Variants in MKLN1 observed in about 807,000 individuals in gnomAD.
MKLN1 encodes the protein muskelin.
Under a neutral mutation model 99.0 loss-of-function variants are expected in MKLN1, and 18 were observed. The ratio of observed to expected loss-of-function variants is 0.18; its 90% CI spans 0.13 to 0.27. MKLN1 has a LOEUF of 0.27. Among genes scored for constraint, MKLN1 ranks in the 10% least tolerant of loss-of-function variants. MKLN1 has a pLI of 1.00. For synonymous variants in MKLN1, 288 were observed against 293.2 expected (o/e 0.98, Z 0.18); for missense variants, 621 against 875.9 (o/e 0.71, Z 3.67).
intron 2 of MKLN1, among the ~76,000 whole-genome samples, chr7:131,169,984 G>A (rs1001623091): frequency 8.5e-5 from 13 of 152,118 alleles, no homozygotes; most frequent in African/African-American, 2.9e-4. Flanking sequence ...TAACTACTTG[G>A]GAGACTGAGG....
Position 131,494,519 on chromosome 7 carries a change from TAGG to T in MKLN1, c.*6794_*6796del, listed in dbSNP as rs1326661470. 1 of 152,130 alleles carries T rather than the reference TAGG, an allele frequency of 6.6e-6. No individual in the cohort carries two copies. Among genetic ancestry groups the T allele is most frequent in the Non-Finnish European group, 1.5e-5 (1 of 68,036 alleles). 9.4% of individuals were successfully genotyped at this position (152,130 alleles called of 1,614,324 possible). On this transcript the variant is annotated 3_prime_UTR_variant, in exon 18 of 18. Transcript: ENST00000352689. The stretch of plus-strand genomic sequence containing the variant: ...AGATATCAAAGTCCAAAAGGTTACT[TAGG>T]AGTAGTCTTCCGTGGGGGAAGATAA...
chr7:131,124,667 A>G (rs1795426445), intron 1 of MKLN1, among the ~76,000 whole-genome samples: 1 of 151,974 alleles, frequency 6.6e-6, no homozygotes, highest in African/African-American at 2.4e-5. Context: ...CTTGCCCTCA[A>G]CACCTCAGTC....
intron 15 of MKLN1, among the ~76,000 whole-genome samples, chr7:131,470,524 C>T (rs550780533): frequency 3.3e-5 from 5 of 152,202 alleles, no homozygotes; most frequent in Non-Finnish European, 5.9e-5. Context: ...TTATAAAATA[C>T]GTAGTATATT....
In MKLN1 at chr7:131,437,919, C is replaced by T. The variant is rs1167229690; in HGVS notation, c.1095C>T (p.Asp365=). Residue 365 remains aspartate (D), a synonymous_variant, in exon 10 of 18, where the codon GAC becomes GAT. Coordinates refer to ENST00000352689, the MANE Select transcript of MKLN1 (RefSeq NM_013255.5). ...TGAAAAGTGACTTCTATCGTTATGA[C>T]ATTGATACAAACACATGGATGTTAC... ...KSLKSDFYRY[D]IDTNTWMLLS... is the part of the protein sequence containing the mutation. The T allele has an allele frequency of 6.2e-7, 1 of 1,613,858 alleles. No homozygotes were observed. Among genetic ancestry groups the T allele is most frequent in the South Asian group, 1.1e-5 (1 of 91,070 alleles).
At chr7:131,399,190 G>C (rs759489046) in intron 5 of MKLN1, 51 bp from the exon 6 acceptor site, 3 of 1,474,824 alleles carry the variant, frequency 2.0e-6, no homozygotes, top group South Asian at 1.1e-5. Flanking sequence ...GTTTCCTACA[G>C]TATCATCTAA....
chr7:131,164,750 A>G (rs1036083724), intron 2 of MKLN1, among the ~76,000 whole-genome samples: 2 of 152,240 alleles, frequency 1.3e-5, no homozygotes, highest in African/African-American at 4.8e-5. Flanking sequence ...GAATCATAGA[A>G]GGAAGACAGA....
At chr7:131,175,908 C>A (rs79626360) in intron 2 of MKLN1, among the ~76,000 whole-genome samples, 7 of 101,270 alleles carry the variant, frequency 6.9e-5, no homozygotes, top group South Asian at 3.2e-4. Context: ...CAAAAAAAAA[C>A]CAAAAAACAA....
chr7:131,484,843 A>C (rs1235618457), intron 17 of MKLN1, among the ~76,000 whole-genome samples: 1 of 151,986 alleles, frequency 6.6e-6, no homozygotes, highest in Non-Finnish European at 1.5e-5. Context: ...AAATGAGTAC[A>C]TATGATGTTG....
intron 3 of MKLN1, among the ~76,000 whole-genome samples, chr7:131,247,493 C>A (rs1017416448): frequency 4.6e-5 from 7 of 152,090 alleles, no homozygotes; most frequent in Admixed American, 2.6e-4. Context: ...GGATTACAGA[C>A]GTGAGCCACC....
intron 3 of MKLN1, among the ~76,000 whole-genome samples, chr7:131,221,054 T>G (rs1797052678): frequency 6.6e-6 from 1 of 152,228 alleles, no homozygotes; most frequent in African/African-American, 2.4e-5. Context: ...TTAATCCATC[T>G]GCCTCATATC....
intron 8 of MKLN1, among the ~76,000 whole-genome samples, chr7:131,427,602 G>C (rs1048585756): frequency 6.6e-6 from 1 of 152,116 alleles, no homozygotes; most frequent in East Asian, 1.9e-4. Flanking sequence ...ACCCCAGGCT[G>C]GAGTGCAGTG....
intron 3 of MKLN1, among the ~76,000 whole-genome samples, chr7:131,220,626 TGTAGC>T (rs1797046364): frequency 6.6e-6 from 1 of 152,032 alleles, no homozygotes; most frequent in African/African-American, 2.4e-5. Flanking sequence ...GGTAGAAGAG[TGTAGC>T]GTGACATCAT....
intron 1 of MKLN1, among the ~76,000 whole-genome samples, chr7:131,374,655 G>A (rs1363364434): frequency 1.3e-5 from 2 of 152,006 alleles, no homozygotes; most frequent in Non-Finnish European, 2.9e-5. Context: ...CTTGCCTTTA[G>A]CCTTACAGTT....
intron 1 of MKLN1, among the ~76,000 whole-genome samples, chr7:131,371,982 T>A (rs1265954862): frequency 6.6e-6 from 1 of 151,954 alleles, no homozygotes; most frequent in Non-Finnish European, 1.5e-5. Context: ...AGATATGTGG[T>A]ACGTTTTTAT....
chr7:131,315,195 TTTC>T (rs1798642614), intron 3 of MKLN1, among the ~76,000 whole-genome samples: 1 of 151,232 alleles, frequency 6.6e-6, no homozygotes, highest in South Asian at 2.1e-4. Context: ...AGGCAGGTGA[TTTC>T]TTCATTTCCA....
intron 12 of MKLN1, among the ~76,000 whole-genome samples, chr7:131,459,883 C>CT (rs1563359740): frequency 6.6e-6 from 1 of 151,988 alleles, no homozygotes; most frequent in Non-Finnish European, 1.5e-5. Flanking sequence ...TCCTTCTGGT[C>CT]TTTTTTTCAG....
At chr7:131,410,370 G>C (rs456538) in intron 6 of MKLN1, among the ~76,000 whole-genome samples, 1 of 152,054 alleles carries the variant, frequency 6.6e-6, no homozygotes, top group Non-Finnish European at 1.5e-5. Context: ...GTAGTTCATA[G>C]GATTGTTTTT....
chr7:131,485,761 A>G (rs1475049622), intron 17 of MKLN1, among the ~76,000 whole-genome samples: 1 of 152,038 alleles, frequency 6.6e-6, no homozygotes, highest in Non-Finnish European at 1.5e-5. Flanking sequence ...TTCCACTCAT[A>G]AGTGTTCTGT....
intron 16 of MKLN1, among the ~76,000 whole-genome samples, chr7:131,473,938 C>G (rs1354620415): frequency 2.0e-5 from 3 of 152,036 alleles, no homozygotes; most frequent in Non-Finnish European, 4.4e-5. Flanking sequence ...CACCTGAGGT[C>G]AGGAGTTCAA....
Sources: gnomAD v4.1 joint callset for allele counts (sites outside exome capture counted in the v4.1 genomes callset) on GRCh38, gnomAD v4.1.1 for gene constraint, MANE v1.5 for transcripts, NCBI Gene and HGNC (gene_info 2026-07-23, HGNC 2026-07-21) for gene names.